RUNX1T1: variants seen among roughly 807,000 people sequenced by gnomAD.
RUNX1T1 encodes the protein RUNX1 partner transcriptional co-repressor 1.
Under a neutral mutation model 62.8 loss-of-function variants are expected in RUNX1T1, and 4 were observed. The ratio of observed to expected loss-of-function variants is 0.06; its 90% CI spans 0.03 to 0.15. The LOEUF (loss-of-function observed/expected upper bound fraction) is 0.15, where lower values mean the gene tolerates loss of function less well. RUNX1T1 is among the 10% of genes least tolerant of loss of function. The pLI, the probability that RUNX1T1 is intolerant of heterozygous loss-of-function variation, is 1.00. For synonymous variants in RUNX1T1, 291 were observed against 286.0 expected, an observed-to-expected ratio of 1.02 and a Z score of -0.18; for missense variants, 508 against 754.3, an observed-to-expected ratio of 0.67 and a Z score of 3.82.
Position 92,080,132 on chromosome 8 carries a change from T to C in RUNX1T1, c.-85-3995A>G, listed in dbSNP as rs1469691708. 4.6e-5 allele frequency among the ~76,000 whole-genome samples: 7 copies of C among 151,510 alleles called. No individual in the cohort carries two copies. In the Admixed American group the frequency reaches 4.6e-4, roughly 10 times the overall value. ...GAGAGCTAGGGTCTCATCTGGGGGG[T>C]GCTCATTACTCTACCCTCCACATTT... On this transcript the variant is annotated intron_variant, in intron 1 of 11. Coordinates refer to the RUNX1T1 transcript ENST00000265814.
intron 1 of RUNX1T1, chr8:92,017,722 C>T: frequency 1.1e-6 from 1 of 937,104 alleles, no homozygotes; most frequent in South Asian, 2.8e-5. Flanking sequence ...ATAATGAACC[C>T]CTCATGACAG....
intron 1 of RUNX1T1, among the ~76,000 whole-genome samples, chr8:92,025,390 C>T (rs1301477175): frequency 6.6e-6 from 1 of 152,180 alleles, no homozygotes; most frequent in Non-Finnish European, 1.5e-5. Flanking sequence ...ACCCCATCCC[C>T]ACCTCTGACC....
At chr8:92,054,771 G>A (rs1012030722) in intron 1 of RUNX1T1, among the ~76,000 whole-genome samples, 6 of 152,168 alleles carry the variant, frequency 3.9e-5, no homozygotes, top group South Asian at 2.1e-4. Flanking sequence ...GGAGGCGGGC[G>A]GATCACGAGA....
chr8:92,058,039 C>G (rs1042994815), intron 1 of RUNX1T1, among the ~76,000 whole-genome samples: 5 of 151,966 alleles, frequency 3.3e-5, no homozygotes, highest in African/African-American at 1.2e-4. Context: ...GTTCGTGTAG[C>G]CCATTGTGCA....
At chr8:92,011,972 C>T (rs1046945431) in intron 3 of RUNX1T1, among the ~76,000 whole-genome samples, 3 of 152,206 alleles carry the variant, frequency 2.0e-5, no homozygotes, top group Non-Finnish European at 4.4e-5. Flanking sequence ...AACTCATTCT[C>T]AACTTCTTCA....
chr8:91,985,284 G>A (rs1226483044), intron 8 of RUNX1T1, among the ~76,000 whole-genome samples: 3 of 152,096 alleles, frequency 2.0e-5, no homozygotes, highest in South Asian at 4.1e-4. Flanking sequence ...TGACAAAACC[G>A]TATTATTAAT....
rs1837693423 is a variant in RUNX1T1, at chr8:92,095,742, C to A, written c.-86+3838G>T. On this transcript the variant is annotated intron_variant, in intron 1 of 11. Transcript: ENST00000265814. ...GATGGGGCCAGAAAGTGGGGGAGAG[C>A]TACCCTAAGGCTATCTGGGAATGAG... 3 of 504,000 alleles carry A rather than the reference C, an allele frequency of 6.0e-6. No homozygotes were observed. The East Asian group carries it at 1.1e-4, about 18-fold the overall frequency. 31.2% of individuals were successfully genotyped at this position (504,000 alleles called of 1,614,324 possible).
chr8:92,065,339 T>C (rs1261051684), upstream of RUNX1T1, among the ~76,000 whole-genome samples: 1 of 152,212 alleles, frequency 6.6e-6, no homozygotes, highest in Non-Finnish European at 1.5e-5. Context: ...CAAAACACTG[T>C]CATAAGGAAA....
Position 92,015,949 on chromosome 8 carries a change from G to A in RUNX1T1, c.146-1129C>T, listed in dbSNP as rs1383617682. 3.3e-5 allele frequency among the ~76,000 whole-genome samples: 5 copies of A among 152,078 alleles called. No individual in the cohort carries two copies. The East Asian group carries it at 5.8e-4, about 18-fold the overall frequency. Reference sequence around the variant, plus strand: ...ATATAAGATGACACGGTTACAACTTGGCATTGCACAGTCACCTGCTCCTTA... The same window carrying A: ...ATATAAGATGACACGGTTACAACTTAGCATTGCACAGTCACCTGCTCCTTA... On this transcript the variant is annotated intron_variant, in intron 2 of 10. Coordinates refer to ENST00000396218, the Ensembl canonical transcript of RUNX1T1.
At chr8:92,033,824 G>C (rs893224344) in intron 1 of RUNX1T1, among the ~76,000 whole-genome samples, 1 of 152,080 alleles carries the variant, frequency 6.6e-6, no homozygotes, top group African/African-American at 2.4e-5. Flanking sequence ...ACAAAAATTA[G>C]CCGGGTGTGG....
chr8:92,089,864 C>T (rs1836701929), intron 1 of RUNX1T1, among the ~76,000 whole-genome samples: 1 of 146,182 alleles, frequency 6.8e-6, no homozygotes, highest in Non-Finnish European at 1.5e-5. Context: ...TAATATTCCA[C>T]ACTGATCCCT....
intron 1 of RUNX1T1, among the ~76,000 whole-genome samples, chr8:92,045,515 C>T (rs1829242329): frequency 2.0e-5 from 3 of 152,180 alleles, no homozygotes; most frequent in African/African-American, 7.2e-5. Flanking sequence ...GCCAATTACG[C>T]AGGCTCAAAA....
intron 1 of RUNX1T1, among the ~76,000 whole-genome samples, chr8:92,039,266 C>T (rs1424091420): frequency 6.6e-6 from 1 of 152,054 alleles, no homozygotes; most frequent in Non-Finnish European, 1.5e-5. Context: ...CTTGGTCTCC[C>T]CAAGTGCTGG....
chr8:92,045,361 C>T (rs960839108), intron 1 of RUNX1T1, among the ~76,000 whole-genome samples: 3 of 152,190 alleles, frequency 2.0e-5, no homozygotes, highest in Admixed American at 2.0e-4. Flanking sequence ...ATTCCTCACC[C>T]AAACTACCAT....
At chr8:92,000,099 A>T (rs1357395009) in intron 5 of RUNX1T1, among the ~76,000 whole-genome samples, 1 of 152,070 alleles carries the variant, frequency 6.6e-6, no homozygotes, top group Non-Finnish European at 1.5e-5. Context: ...TGAGGTCAGG[A>T]GTTTGAGACC....
intron 1 of RUNX1T1, among the ~76,000 whole-genome samples, chr8:92,083,382 A>C (rs1041875685): frequency 6.6e-6 from 1 of 152,212 alleles, no homozygotes; most frequent in Non-Finnish European, 1.5e-5. Context: ...AGAATCTACA[A>C]GGAACTTAAA....
chr8:91,975,970 G>C, exon 9 of RUNX1T1: 1 of 1,611,360 alleles, frequency 6.2e-7, no homozygotes, highest in Non-Finnish European at 8.5e-7. Flanking sequence ...TTCCCGATGC[G>C]CGTCTATGAA....
At chr8:92,007,967 C>CAAAAAAAAAAAAAAAAAAA (rs34232877) in intron 4 of RUNX1T1, among the ~76,000 whole-genome samples, 1 of 85,372 alleles carries the variant, frequency 1.2e-5, no homozygotes, top group Non-Finnish European at 2.5e-5. Context: ...GACTTTGTTT[C>CAAAAAAAAAAAAAAAAAAA]AAAAAAAAAA....
chr8:91,997,581 TCTTCTAC>T (rs954005712), intron 5 of RUNX1T1, among the ~76,000 whole-genome samples: 1 of 152,206 alleles, frequency 6.6e-6, no homozygotes. Flanking sequence ...TTCTGTACCA[TCTTCTAC>T]CTAGTCACCC....
Sources: gnomAD v4.1 joint callset for allele counts (sites outside exome capture counted in the v4.1 genomes callset) on GRCh38, gnomAD v4.1.1 for gene constraint, MANE v1.5 for transcripts, NCBI Gene and HGNC (gene_info 2026-07-23, HGNC 2026-07-21) for gene names.